The following GRB10 variants were observed in gnomAD, a reference collection of about 807,000 sequenced individuals.
The protein encoded by GRB10 is growth factor receptor bound protein 10.
In GRB10, 20 loss-of-function variants were observed where a neutral mutation model predicts 80.9. The observed-to-expected ratio is 0.25, with a 90% CI of 0.17 to 0.36. The LOEUF (loss-of-function observed/expected upper bound fraction) is 0.36, where lower values mean the gene tolerates loss of function less well. Among genes scored for constraint, GRB10 ranks in the 10% least tolerant of loss-of-function variants. The pLI, the probability that GRB10 is intolerant of heterozygous loss-of-function variation, is 1.00. For synonymous variants in GRB10, 291 were observed against 291.5 expected (o/e 1.00, Z 0.02); for missense variants, 548 against 747.7 (o/e 0.73, Z 3.12).
rs556598145 is a variant in GRB10, at chr7:50,647,448, CCTCA to C, written c.505-20474_505-20471del. Among the ~76,000 whole-genome samples the C allele has an allele frequency of 1.8e-3, 271 of 152,328 alleles. 2 individuals are homozygous for C. Among genetic ancestry groups the C allele is most frequent in the African/African-American group, 6.4e-3 (267 of 41,582 alleles). ...CTACATGGGGAGGGTGCGGATGTGC[CCTCA>C]CTGTCAGTCACTGAGCAGATGCTCC... On this transcript the variant is annotated intron_variant, in intron 7 of 18. Transcript: ENST00000401949.
chr7:50,784,504 T>C (rs558812473), upstream of GRB10, among the ~76,000 whole-genome samples: 1 of 152,306 alleles, frequency 6.6e-6, no homozygotes, highest in South Asian at 2.1e-4. Flanking sequence ...TCTCCTGGGC[T>C]AGAACAACAG....
rs2048729057 is a variant in GRB10, at chr7:50,607,405, C to G, written c.1195-991G>C. On this transcript the variant is annotated intron_variant, in intron 13 of 18. Transcript: ENST00000401949. ...AGTTCAAATCATTCAACTTCACATT[C>G]AATATGGTGCATGCCTCAGTGCTGC... Among the ~76,000 whole-genome samples, 4 of 152,304 alleles carry G rather than the reference C, an allele frequency of 2.6e-5. No homozygotes were observed. In the South Asian group the frequency reaches 8.3e-4, roughly 32 times the overall value.
At chr7:50,620,587 T>C (rs902321170) in intron 8 of GRB10, among the ~76,000 whole-genome samples, 9 of 152,146 alleles carry the variant, frequency 5.9e-5, no homozygotes, top group Admixed American at 6.5e-5. Flanking sequence ...AAGCCAGAGT[T>C]TGTGAAGGAA....
chr7:50,744,025 C>T (rs1587765041), intron 3 of GRB10, among the ~76,000 whole-genome samples: 2 of 152,054 alleles, frequency 1.3e-5, no homozygotes, highest in South Asian at 2.1e-4. Flanking sequence ...GTGATGAAGG[C>T]CACCTCCACA....
intron 4 of GRB10, among the ~76,000 whole-genome samples, chr7:50,711,783 T>A (rs190545050): frequency 6.6e-6 from 1 of 152,312 alleles, no homozygotes; most frequent in East Asian, 1.9e-4. Context: ...TTTTATTAAA[T>A]ATTAATGTAA....
rs1472683392 is a variant in GRB10 at position 50,624,352 on chromosome 7, T to G, written c.661+2470A>C. Reference sequence around the variant, plus strand: ...CCCTGTTGGCCTTGCGGCCCTTGCGTCCCTTTCCAACGGGGATAAAGCTGA... The same window carrying G: ...CCCTGTTGGCCTTGCGGCCCTTGCGGCCCTTTCCAACGGGGATAAAGCTGA... On this transcript the variant is annotated intron_variant, in intron 8 of 18. Coordinates refer to ENST00000401949, the MANE Select transcript of GRB10 (RefSeq NM_001350814.2). 3.9e-5 allele frequency among the ~76,000 whole-genome samples: 6 copies of G among 152,366 alleles called. No homozygotes were observed. In the South Asian group the frequency reaches 1.0e-3, roughly 26 times the overall value.
chr7:50,642,069 G>A (rs1370140219), intron 7 of GRB10, among the ~76,000 whole-genome samples: 1 of 152,232 alleles, frequency 6.6e-6, no homozygotes, highest in East Asian at 1.9e-4. Flanking sequence ...AGCTTGCTGA[G>A]TGTCTGGGAG....
intron 2 of GRB10, among the ~76,000 whole-genome samples, chr7:50,777,975 G>A (rs2077876439): frequency 2.0e-5 from 3 of 152,116 alleles, no homozygotes; most frequent in Non-Finnish European, 4.4e-5. Context: ...TGCTTGGGGG[G>A]CTTAAAATCT....
intron 4 of GRB10, among the ~76,000 whole-genome samples, chr7:50,704,747 A>T (rs1386751208): frequency 2.0e-5 from 3 of 152,234 alleles, no homozygotes; most frequent in Admixed American, 1.3e-4. Flanking sequence ...TGCAAACTGA[A>T]GCACGTGAAA....
intron 1 of GRB10, among the ~76,000 whole-genome samples, chr7:50,781,716 G>A (rs2078296472): frequency 6.6e-6 from 1 of 152,230 alleles, no homozygotes; most frequent in South Asian, 2.1e-4. Flanking sequence ...GGAGGCGACT[G>A]GCGTGTGGAA....
intron 5 of GRB10, among the ~76,000 whole-genome samples, chr7:50,681,372 A>G (rs913886584): frequency 5.3e-5 from 8 of 152,232 alleles, no homozygotes; most frequent in African/African-American, 1.9e-4. Context: ...AAGCTGCTCC[A>G]GTCTTCCGGC....
chr7:50,675,436 G>A (rs1372483313), intron 5 of GRB10, among the ~76,000 whole-genome samples: 2 of 152,218 alleles, frequency 1.3e-5, no homozygotes, highest in African/African-American at 4.8e-5. Context: ...ATGGTGCCAG[G>A]TTTTAGCTAA....
chr7:50,776,887 T>C (rs1228316259), intron 2 of GRB10, among the ~76,000 whole-genome samples: 2 of 152,230 alleles, frequency 1.3e-5, no homozygotes, highest in Non-Finnish European at 2.9e-5. Flanking sequence ...CTCCTCTTCT[T>C]CTGGGCCCTC....
At chr7:50,641,280 G>C (rs561500417) in intron 7 of GRB10, among the ~76,000 whole-genome samples, 12 of 115,982 alleles carry the variant, frequency 1.0e-4, no homozygotes, top group Admixed American at 1.7e-4. Flanking sequence ...CAAAAAAGGT[G>C]GGGGGGTAGC....
At chr7:50,677,879 A>G (rs1298588966) in intron 5 of GRB10, among the ~76,000 whole-genome samples, 2 of 152,240 alleles carry the variant, frequency 1.3e-5, no homozygotes, top group African/African-American at 4.8e-5. Flanking sequence ...ACACTTGCAC[A>G]CACATACACG....
At chr7:50,769,359 G>T (rs563119768) in intron 2 of GRB10, among the ~76,000 whole-genome samples, 2 of 152,290 alleles carry the variant, frequency 1.3e-5, no homozygotes, top group African/African-American at 2.4e-5. Context: ...CACACAGGAG[G>T]TCGGGCTTCC....
chr7:50,639,795 TTTTATACCAAGTAGACAG>T (rs2055869404), intron 7 of GRB10, among the ~76,000 whole-genome samples: 1 of 152,208 alleles, frequency 6.6e-6, no homozygotes, highest in African/African-American at 2.4e-5. Flanking sequence ...TCTACCCTTG[TTTTATACCAAGTAGACAG>T]GCTTATTTGG....
At chr7:50,649,943 C>T (rs56363630) in intron 7 of GRB10, among the ~76,000 whole-genome samples, 3,940 of 152,192 alleles carry the variant, frequency 0.026, 77 homozygotes, top group Non-Finnish European at 0.041. Flanking sequence ...ACGGAGGGTA[C>T]CTTTCAGTGG....
intron 5 of GRB10, among the ~76,000 whole-genome samples, chr7:50,676,968 G>A (rs557244053): frequency 2.8e-4 from 43 of 152,336 alleles, no homozygotes; most frequent in East Asian, 1.9e-4. Flanking sequence ...CTTGCTGGAA[G>A]AACAGAGGCC....
Sources: allele counts gnomAD v4.1 joint callset (sites outside exome capture counted in the v4.1 genomes callset), GRCh38; gene constraint gnomAD v4.1.1; transcripts MANE v1.5; gene names NCBI Gene and HGNC (gene_info 2026-07-23, HGNC 2026-07-21).